RNLS: variants seen among roughly 807,000 people sequenced by gnomAD.
RNLS encodes the protein renalase.
Under a neutral mutation model 39.8 loss-of-function variants are expected in RNLS, and 39 were observed. The ratio of observed to expected loss-of-function variants is 0.98; its 90% CI spans 0.76 to 1.28. The LOEUF (loss-of-function observed/expected upper bound fraction) is 1.28, where lower values mean the gene tolerates loss of function less well. RNLS is among the 50% of genes most tolerant of loss of function. The pLI is 0.00. For synonymous variants in RNLS, 147 were observed against 150.7 expected, an observed-to-expected ratio of 0.98 and a Z score of 0.18; for missense variants, 410 against 413.3, an observed-to-expected ratio of 0.99 and a Z score of 0.07.
chr10:88,362,711 G>T lies in RNLS; in HGVS notation c.541C>A (p.Gln181Lys), dbSNP rs78525460. Reference protein sequence around the residue: ...GDITTLISECQRQQLEAVSYS... With the variant: ...GDITTLISECKRQQLEAVSYS... The stretch of plus-strand genomic sequence containing the variant: ...CTCACAGCCTCCAGTTGCTGCCTTT[G>T]GCATTCACTAATTACTGTGGAAGAA... The change falls in exon 5 of 7, where the codon CAA (glutamine) becomes AAA (lysine). Residue 181 changes from glutamine to lysine, a missense_variant. Coordinates refer to ENST00000331772, the MANE Select transcript of RNLS (RefSeq NM_001031709.3). 1,599 of 1,613,034 alleles carry T rather than the reference G, an allele frequency of 9.9e-4. 15 individuals carry two copies. The African/African-American group carries it at 0.019, about 20-fold the overall frequency.
intron 4 of RNLS, among the ~76,000 whole-genome samples, chr10:88,567,331 AC>A (rs1460825109): frequency 3.3e-5 from 5 of 152,186 alleles, no homozygotes; most frequent in African/African-American, 1.2e-4. Context: ...CATTTAGGAG[AC>A]AGTCTATGAC....
intron 5 of RNLS, among the ~76,000 whole-genome samples, chr10:88,358,913 A>G (rs1046323707): frequency 6.6e-6 from 1 of 152,206 alleles, no homozygotes; most frequent in African/African-American, 2.4e-5. Flanking sequence ...ACCTTGACAG[A>G]ACACAAATGT....
the RNLS span, among the ~76,000 whole-genome samples, chr10:88,187,008 G>A: frequency 2.0e-5 from 3 of 151,276 alleles, no homozygotes; most frequent in Non-Finnish European, 4.4e-5. Context: ...TTACAACACT[G>A]AGCACTCAAA....
rs750177154 is a variant in RNLS, at chr10:88,583,242, C to A, written c.-52G>T. The stretch of plus-strand genomic sequence containing the variant: ...GAGTCTCTGCGGCGGGGCCGTTCGG[C>A]CCGGGCTTTCTGGAAAGGCGGCCGA... On this transcript the variant is annotated 5_prime_UTR_variant, in exon 1 of 7. Transcript: ENST00000331772. The A allele has an allele frequency of 2.2e-5, 36 of 1,602,610 alleles. No individual in the cohort carries two copies. The highest frequency in any genetic ancestry group is 3.0e-5 in the Non-Finnish European group (35 of 1,176,214).
chr10:88,303,876 A>G (rs1219136337), intron 6 of RNLS, among the ~76,000 whole-genome samples: 1 of 152,186 alleles, frequency 6.6e-6, no homozygotes, highest in African/African-American at 2.4e-5. Flanking sequence ...GCGACTGTGT[A>G]CACAGTCACC....
In RNLS at chr10:88,498,452, C is replaced by CAT. The variant is rs1265575110; in HGVS notation, c.526+74449_526+74450dup. 2.0e-5 allele frequency among the ~76,000 whole-genome samples: 3 copies of CAT among 150,602 alleles called. No homozygotes were observed. In the East Asian group the frequency reaches 5.8e-4, roughly 29 times the overall value. On this transcript the variant is annotated intron_variant, in intron 4 of 6. Coordinates refer to ENST00000331772, the MANE Select transcript of RNLS (RefSeq NM_001031709.3). ...AAAGAAAATCAGAGAAACAACTAAA[C>CAT]ATAATATGTGCTCCTGAAGCAGAAA... is the stretch of plus-strand genomic sequence containing the variant.
rs139841921 is a variant in RNLS, at chr10:88,345,212, G to T, written c.700+17340C>A. ...AACTGATATAAAGTATTTATGAAAC[G>T]CAATGAAGTGATTTCCTGTGGTGAG... On this transcript the variant is annotated intron_variant, in intron 5 of 6. Transcript: ENST00000331772. 7.5e-3 allele frequency among the ~76,000 whole-genome samples: 1,139 copies of T among 152,188 alleles called. 13 individuals are homozygous for T. Among genetic ancestry groups the T allele is most frequent in the African/African-American group, 0.026 (1,075 of 41,526 alleles).
chr10:88,521,045 G>A (rs1487442960), intron 4 of RNLS, among the ~76,000 whole-genome samples: 1 of 151,916 alleles, frequency 6.6e-6, no homozygotes, highest in Non-Finnish European at 1.5e-5. Context: ...TTATTCCTGA[G>A]TCAGTTTCTT....
At chr10:88,258,811 A>T in the RNLS span, among the ~76,000 whole-genome samples, 1 of 152,200 alleles carries the variant, frequency 6.6e-6, no homozygotes, top group African/African-American at 2.4e-5. Context: ...TAGGAACTAC[A>T]TCCACTCTTC....
At chr10:88,450,761 G>A (rs1742084487) in intron 4 of RNLS, among the ~76,000 whole-genome samples, 1 of 152,168 alleles carries the variant, frequency 6.6e-6, no homozygotes. Flanking sequence ...TAAGTTGACA[G>A]GATTAACACT....
chr10:88,497,329 T>C (rs1018723525), intron 4 of RNLS, among the ~76,000 whole-genome samples: 3 of 152,030 alleles, frequency 2.0e-5, no homozygotes, highest in African/African-American at 2.4e-5. Flanking sequence ...CAAAAGAAGA[T>C]GGCAACCACT....
At chr10:88,383,186 C>T (rs749563025) in intron 4 of RNLS, among the ~76,000 whole-genome samples, 1 of 152,044 alleles carries the variant, frequency 6.6e-6, no homozygotes, top group African/African-American at 2.4e-5. Context: ...ACTTCTCTAT[C>T]ACATGGCAGA....
chr10:88,542,224 CTG>C (rs572102242), intron 4 of RNLS, among the ~76,000 whole-genome samples: 4 of 147,706 alleles, frequency 2.7e-5, no homozygotes, highest in Admixed American at 6.8e-5. Context: ...GAGGGCCTGA[CTG>C]TGAGGCTAGA....
intron 4 of RNLS, among the ~76,000 whole-genome samples, chr10:88,550,221 ATAT>A (rs1379306083): frequency 7.9e-5 from 12 of 152,190 alleles, no homozygotes; most frequent in Non-Finnish European, 1.5e-4. Flanking sequence ...GACATTAAAG[ATAT>A]TATAGTTTAC....
chr10:88,488,214 G>C (rs1158710956), intron 4 of RNLS, among the ~76,000 whole-genome samples: 3 of 152,018 alleles, frequency 2.0e-5, no homozygotes, highest in Non-Finnish European at 4.4e-5. Flanking sequence ...GATATGTGCA[G>C]GTTATTGTAT....
intron 4 of RNLS, among the ~76,000 whole-genome samples, chr10:88,565,852 C>A (rs866871510): frequency 1.3e-5 from 2 of 148,954 alleles, no homozygotes; most frequent in Admixed American, 1.4e-4. Context: ...CAGGTTCAAG[C>A]GATTCTCCTG....
At chr10:88,221,832 G>A in the RNLS span, among the ~76,000 whole-genome samples, 1 of 150,802 alleles carries the variant, frequency 6.6e-6, no homozygotes, top group Non-Finnish European at 1.5e-5. Context: ...TTTTTCCTTT[G>A]ATTTCTGACG....
At chr10:88,214,336 A>C in the RNLS span, among the ~76,000 whole-genome samples, 1 of 152,220 alleles carries the variant, frequency 6.6e-6, no homozygotes, top group East Asian at 1.9e-4. Context: ...TTTTACTCCA[A>C]AGTCATTTGG....
chr10:88,282,484 CA>C (rs1843052996), downstream of RNLS, among the ~76,000 whole-genome samples: 2 of 11,868 alleles, frequency 1.7e-4, no homozygotes, highest in Non-Finnish European at 3.8e-4. Context: ...AAAATACACA[CA>C]CACACACACA....
Sources: allele counts gnomAD v4.1 joint callset (sites outside exome capture counted in the v4.1 genomes callset), GRCh38; gene constraint gnomAD v4.1.1; transcripts MANE v1.5; gene names NCBI Gene and HGNC (gene_info 2026-07-23, HGNC 2026-07-21).